The following PCDHGB6 variants were observed in gnomAD, a reference collection of about 807,000 sequenced individuals.
PCDHGB6 encodes protocadherin gamma subfamily B, 6.
In PCDHGB6, 51 loss-of-function variants were observed where a neutral mutation model predicts 59.1. That is an observed-to-expected ratio of 0.86 (90% confidence interval 0.69 to 1.09). The LOEUF (loss-of-function observed/expected upper bound fraction) is 1.09. PCDHGB6 is among the 50% of genes least tolerant of loss of function. The probability of loss-of-function intolerance (pLI) is 0.00; values close to 1 mark genes in which losing one functional copy is unlikely to be tolerated. For synonymous variants in PCDHGB6, 466 were observed against 495.1 expected (o/e 0.94, Z 0.78); for missense variants, 1,148 against 1,205.1 (o/e 0.95, Z 0.70).
chr5:141,417,884 C>A, intron 1 of PCDHGB6: 2 of 1,561,600 alleles, frequency 1.3e-6, no homozygotes, highest in East Asian at 2.4e-5. Flanking sequence ...CGCGCAGAGG[C>A]GCCGGGCCGG....
chr5:141,482,514 G>A (rs2099563611), intron 1 of PCDHGB6, among the ~76,000 whole-genome samples: 1 of 130,122 alleles, frequency 7.7e-6, no homozygotes. Flanking sequence ...CCAGAGTACA[G>A]TATGAGACAG....
At chr5:141,481,070 A>G (rs2099531062) in intron 1 of PCDHGB6, among the ~76,000 whole-genome samples, 1 of 152,144 alleles carries the variant, frequency 6.6e-6, no homozygotes, top group South Asian at 2.1e-4. Context: ...AAACAAAAAG[A>G]AAGAAAGAAA....
At chr5:141,417,256 C>G (rs985322130) in intron 1 of PCDHGB6, 1 of 152,096 alleles carries the variant, frequency 6.6e-6, no homozygotes, top group Non-Finnish European at 1.5e-5. Flanking sequence ...CTTCCAGCTT[C>G]ATAGATAATT....
chr5:141,420,845 G>T (rs1038454602), intron 1 of PCDHGB6, among the ~76,000 whole-genome samples: 4 of 152,200 alleles, frequency 2.6e-5, no homozygotes, highest in Non-Finnish European at 4.4e-5. Context: ...GGTGTTCTTG[G>T]TAAAGTTTTA....
chr5:141,442,047 G>A (rs186626119), intron 1 of PCDHGB6: 64 of 202,912 alleles, frequency 3.2e-4, no homozygotes, highest in Admixed American at 9.3e-4. Context: ...GCGCCTACTG[G>A]TCGCGGTGCA....
At chr5:141,470,173 A>G (rs527296791) in intron 1 of PCDHGB6, among the ~76,000 whole-genome samples, 1 of 152,342 alleles carries the variant, frequency 6.6e-6, no homozygotes, top group South Asian at 2.1e-4. Context: ...AAGTATGCAA[A>G]ATATTCAAGT....
chr5:141,485,374 T>A lies in PCDHGB6; in HGVS notation c.2419-9433T>A. Reference sequence around the variant, plus strand: ...TGTCAGCTCGCAGGCTGCAGGTCGCTGGAGAGGTGAACCAAAGACACTTCC... The same window carrying A: ...TGTCAGCTCGCAGGCTGCAGGTCGCAGGAGAGGTGAACCAAAGACACTTCC... On this transcript the variant is annotated intron_variant, in intron 1 of 3. Coordinates refer to ENST00000520790, the MANE Select transcript of PCDHGB6 (RefSeq NM_018926.3). The surrounding 1 kb of genome is among the most constrained non-coding windows in gnomAD (Gnocchi z 5.7). The A allele has an allele frequency of 1.2e-6, 2 of 1,614,082 alleles. No homozygotes were observed. Among genetic ancestry groups the A allele is most frequent in the Non-Finnish European group, 1.7e-6 (2 of 1,179,998 alleles).
At chr5:141,503,554 G>A (rs1395044357) in intron 2 of PCDHGB6, among the ~76,000 whole-genome samples, 11 of 149,146 alleles carry the variant, frequency 7.4e-5, no homozygotes, top group East Asian at 3.9e-4. Flanking sequence ...AGCCGAGATC[G>A]CGCCACTGTA....
intron 1 of PCDHGB6, chr5:141,427,019 CAA>C (rs1369360584): frequency 8.8e-6 from 4 of 456,798 alleles, no homozygotes; most frequent in Admixed American, 2.3e-5. Flanking sequence ...AGGATGTATA[CAA>C]AGTCAGCCTT....
chr5:141,501,125 C>A (rs2099805699), intron 2 of PCDHGB6, among the ~76,000 whole-genome samples: 1 of 152,140 alleles, frequency 6.6e-6, no homozygotes, highest in South Asian at 2.1e-4. Context: ...CCTCAGCCTC[C>A]CTAAGTGCTG....
chr5:141,464,260 G>A (rs546781463), intron 1 of PCDHGB6, among the ~76,000 whole-genome samples: 1 of 131,668 alleles, frequency 7.6e-6, no homozygotes, highest in Non-Finnish European at 1.6e-5. Flanking sequence ...GCGAGACTCC[G>A]TCTAAAAAAA....
At position 141,477,067 on chromosome 5, in the gene PCDHGB6, C is replaced by G. The variant is rs370882752; in HGVS notation, c.2419-17740C>G. 5.6e-5 allele frequency: 91 copies of G among 1,614,116 alleles called. No individual in the cohort carries two copies. Among genetic ancestry groups the G allele is most frequent in the Non-Finnish European group, 7.7e-5 (91 of 1,180,042 alleles). ...GGCTGGACTTCGAGGACACCAAACT[C>G]CATGAGATTTACATCCAGGCCAAAG... On this transcript the variant is annotated intron_variant, in intron 1 of 3. Transcript: ENST00000520790. This position sits in a 1 kb window ranked among gnomAD's most constrained non-coding sequence, Gnocchi z 4.9.
chr5:141,476,798 C>T lies in PCDHGB6; in HGVS notation c.2419-18009C>T. 3.1e-6 allele frequency: 5 copies of T among 1,613,660 alleles called. No homozygotes were observed. The highest frequency in any genetic ancestry group is 4.2e-6 in the Non-Finnish European group (5 of 1,180,028). ...AGGGACCCCAGCTCTCTCCGCCAGC[C>T]TGCCTATTCACATCAAGGTGCTGGA... On this transcript the variant is annotated intron_variant, in intron 1 of 3. Coordinates refer to ENST00000520790, the MANE Select transcript of PCDHGB6 (RefSeq NM_018926.3). This position sits in a 1 kb window ranked among gnomAD's most constrained non-coding sequence, Gnocchi z 7.6.
At chr5:141,464,443 T>G (rs903733972) in intron 1 of PCDHGB6, among the ~76,000 whole-genome samples, 1 of 151,634 alleles carries the variant, frequency 6.6e-6, no homozygotes, top group African/African-American at 2.4e-5. Context: ...ATGTTTGTTG[T>G]TGTTGTTGTT....
At chr5:141,496,617 A>G (rs2099769939) in intron 2 of PCDHGB6, among the ~76,000 whole-genome samples, 2 of 152,236 alleles carry the variant, frequency 1.3e-5, no homozygotes, top group Admixed American at 1.3e-4. Flanking sequence ...AAAAAGCAGC[A>G]GATCAAAAGG....
chr5:141,477,063 A>G lies in PCDHGB6; in HGVS notation c.2419-17744A>G, dbSNP rs2099404387. 6.2e-7 allele frequency: 1 copy of G among 1,614,248 alleles called. No individual in the cohort carries two copies. On this transcript the variant is annotated intron_variant, in intron 1 of 3. Coordinates refer to ENST00000520790, the MANE Select transcript of PCDHGB6 (RefSeq NM_018926.3). The surrounding 1 kb of genome is among the most constrained non-coding windows in gnomAD (Gnocchi z 4.9). Reference sequence around the variant, plus strand: ...GGTCGGCTGGACTTCGAGGACACCAAACTCCATGAGATTTACATCCAGGCC... The same window carrying G: ...GGTCGGCTGGACTTCGAGGACACCAGACTCCATGAGATTTACATCCAGGCC...
chr5:141,479,636 CA>C (rs1397283180), intron 1 of PCDHGB6: 1 of 152,080 alleles, frequency 6.6e-6, no homozygotes, highest in African/African-American at 2.4e-5. Flanking sequence ...TTAACAATAA[CA>C]ACAACAACAA....
chr5:141,508,540 G>A (rs993826709), intron 3 of PCDHGB6, among the ~76,000 whole-genome samples: 3 of 152,144 alleles, frequency 2.0e-5, no homozygotes, highest in African/African-American at 4.8e-5. Flanking sequence ...CCCCCCACGA[G>A]GTGGGCGGGG....
Position 141,486,397 on chromosome 5 carries a change from G to A in PCDHGB6, c.2419-8410G>A, listed in dbSNP as rs778989869. The A allele has an allele frequency of 5.0e-6, 8 of 1,614,046 alleles. No individual in the cohort carries two copies. The South Asian group carries it at 7.7e-5, about 16-fold the overall frequency. ...CCTTCAGGAACCAGTTCTCCCTGGT[G>A]ACTGCTGGACCCTTGGATCGAGAGG... On this transcript the variant is annotated intron_variant, in intron 1 of 3. Transcript: ENST00000520790. The surrounding 1 kb of genome is among the most constrained non-coding windows in gnomAD (Gnocchi z 5.0).
Sources: gnomAD v4.1 joint callset for allele counts (sites outside exome capture counted in the v4.1 genomes callset) on GRCh38, gnomAD v4.1.1 for gene constraint, Gnocchi (gnomAD v3.1) non-coding constraint, MANE v1.5 for transcripts, NCBI Gene and HGNC (gene_info 2026-07-23, HGNC 2026-07-21) for gene names.